Variants in VIL1 observed in about 807,000 individuals in gnomAD.
VIL1 encodes the protein villin-1.
VIL1 carries 86 observed loss-of-function variants against 104.0 expected under a neutral mutation model. That is an observed-to-expected ratio of 0.83 (90% CI 0.69 to 0.99). The LOEUF (loss-of-function observed/expected upper bound fraction) is 0.99. Among genes scored for constraint, VIL1 ranks in the 50% least tolerant of loss-of-function variants. The pLI, the probability that VIL1 is intolerant of heterozygous loss-of-function variation, is 0.00. For missense variants in VIL1, 944 were observed against 1,054.1 expected, an observed-to-expected ratio of 0.90 and a Z score of 1.45; for synonymous variants, 394 against 412.6, an observed-to-expected ratio of 0.95 and a Z score of 0.55.
chr2:218,433,400 A>C (rs1574816051), intron 13 of VIL1, among the ~76,000 whole-genome samples: 1 of 150,318 alleles, frequency 6.7e-6, no homozygotes, highest in Non-Finnish European at 1.5e-5. Flanking sequence ...GTGCCAATGC[A>C]CTCCAGCCTG....
rs1177888825 is a variant in VIL1 at position 218,452,522 on chromosome 2, G to T, written c.*3186G>T. On this transcript the variant is annotated 3_prime_UTR_variant, in exon 20 of 20. Transcript: ENST00000248444. The stretch of plus-strand genomic sequence containing the variant: ...AAGGAGAAGGCTGATAGGGCCACAA[G>T]AATGGACAGACATCAAGTAAAATTT... 6.6e-6 allele frequency: 1 copy of T among 152,144 alleles called. No homozygotes were observed. The highest frequency in any genetic ancestry group is 6.6e-5 in the Admixed American group (1 of 15,266). 9.4% of individuals were successfully genotyped at this position (152,144 alleles called of 1,614,324 possible). A position where few individuals can be genotyped will look rare whatever the true frequency, so the allele number is the denominator to read the frequency against.
rs754710819 is a variant in VIL1 at position 218,432,081 on chromosome 2, G to A, written c.1239G>A (p.Val413=). Residue 413 remains valine (V), a synonymous_variant, in exon 12 of 20, where the codon GTG becomes GTA. Transcript: ENST00000248444. Reference sequence around the variant, plus strand: ...TTGAGAACCTAGAGCTGGTACCTGTGGATTCCAAGTGGCTAGGCCACTTCT... The same window carrying A: ...TTGAGAACCTAGAGCTGGTACCTGTAGATTCCAAGTGGCTAGGCCACTTCT... ...WRIENLELVP[V]DSKWLGHFYG... is the part of the protein sequence containing the mutation. 3 of 1,614,126 alleles carry A rather than the reference G, an allele frequency of 1.9e-6. No individual in the cohort carries two copies. In the South Asian group the frequency reaches 3.3e-5, roughly 18 times the overall value.
chr2:218,427,169 C>T (rs1188838730), intron 4 of VIL1, among the ~76,000 whole-genome samples: 3 of 152,220 alleles, frequency 2.0e-5, no homozygotes, highest in Non-Finnish European at 4.4e-5. Context: ...TCTAATTAGC[C>T]ACAGTTCCCA....
At chr2:218,433,024 G>T (rs1006436976) in intron 13 of VIL1, 73 bp downstream of exon 13, 2 of 1,584,872 alleles carry the variant, frequency 1.3e-6, no homozygotes, top group Admixed American at 1.7e-5. Context: ...TGGAGAAGGG[G>T]ATGGGTGGTG....
intron 19 of VIL1, among the ~76,000 whole-genome samples, chr2:218,447,150 T>TG (rs376147286): frequency 1.1e-4 from 17 of 152,312 alleles, no homozygotes; most frequent in African/African-American, 4.1e-4. Context: ...CAGCAGTATA[T>TG]GGAAATTAGA....
chr2:218,439,530 G>T (rs1689248677), intron 18 of VIL1, among the ~76,000 whole-genome samples: 1 of 151,996 alleles, frequency 6.6e-6, no homozygotes, highest in Non-Finnish European at 1.5e-5. Flanking sequence ...TAACAGAAGT[G>T]TATTTAGGCT....
In VIL1 at chr2:218,433,294, G is replaced by T. The variant is rs527716376; in HGVS notation, c.1500+343G>T. On this transcript the variant is annotated intron_variant, in intron 13 of 19. Coordinates refer to ENST00000248444, the MANE Select transcript of VIL1 (RefSeq NM_007127.3). ...CTACAAAAATACAAAAATTAGCCAG[G>T]CATGATGGTGGGTGCCTGTAATCTC... is the stretch of plus-strand genomic sequence containing the variant. Among the ~76,000 whole-genome samples, 5 of 152,196 alleles carry T rather than the reference G, an allele frequency of 3.3e-5. No homozygotes were observed. The South Asian group carries it at 6.2e-4, about 19-fold the overall frequency.
chr2:218,424,584 T>C (rs1286209241), intron 3 of VIL1, among the ~76,000 whole-genome samples: 1 of 152,216 alleles, frequency 6.6e-6, no homozygotes, highest in East Asian at 1.9e-4. Flanking sequence ...TTCACAGTCT[T>C]GGGGAAACTT....
In VIL1 at chr2:218,450,142, AG is replaced by A. The variant is rs1424821946; in HGVS notation, c.*808del. 4 of 152,238 alleles carry A rather than the reference AG, an allele frequency of 2.6e-5. No individual in the cohort carries two copies. The highest frequency in any genetic ancestry group is 7.2e-5 in the African/African-American group (3 of 41,468). 9.4% of individuals were successfully genotyped at this position (152,238 alleles called of 1,614,324 possible). A position where few individuals can be genotyped will look rare whatever the true frequency, so the allele number is the denominator to read the frequency against. ...CCTTTTAAGAAGTAACAGTGCTGCA[AG>A]GAAGTCCATGTCAGAAAGCCAACAG... On this transcript the variant is annotated 3_prime_UTR_variant, in exon 20 of 20. Transcript: ENST00000248444.
At chr2:218,448,060 G>T (rs1460648376) in intron 19 of VIL1, among the ~76,000 whole-genome samples, 2 of 152,132 alleles carry the variant, frequency 1.3e-5, no homozygotes, top group Non-Finnish European at 2.9e-5. Context: ...AGGGGTTCCA[G>T]ACCTGCCTGG....
intron 18 of VIL1, 61 bp downstream of exon 18, chr2:218,438,787 A>T: frequency 1.4e-6 from 2 of 1,454,508 alleles, no homozygotes; most frequent in South Asian, 1.2e-5. Context: ...GACCTGTGGG[A>T]GCCAAGAACG....
chr2:218,438,562 C>T (rs1411243071), intron 17 of VIL1, 96 bp from the exon 18 acceptor site: 1 of 1,205,362 alleles, frequency 8.3e-7, no homozygotes, highest in East Asian at 2.5e-5. Context: ...CACTAGGCCC[C>T]AGACCAGCCT....
Position 218,429,955 on chromosome 2 carries a change from T to TGGGGGGGGGGGG in VIL1, c.948+13_948+14insGGGGGGGGGGGG. 1.7e-6 allele frequency: 1 copy of TGGGGGGGGGGGG among 577,692 alleles called. No homozygotes were observed. Among genetic ancestry groups the TGGGGGGGGGGGG allele is most frequent in the Non-Finnish European group, 2.5e-6 (1 of 394,746 alleles). The allele number at this position is 577,692 out of a possible 1,614,324, so 35.8% of individuals were successfully genotyped here. On this transcript the variant is annotated intron_variant, in intron 9 of 19. Transcript: ENST00000248444. ...GCCATGAGCCATGCGCTGGTAGTGG[T>TGGGGGGGGGGGG]GGGGGCGGGGGAGGGTCCAGGAGGA...
At chr2:218,442,819 A>C (rs1465425650) in intron 19 of VIL1, among the ~76,000 whole-genome samples, 1 of 152,234 alleles carries the variant, frequency 6.6e-6, no homozygotes, top group Non-Finnish European at 1.5e-5. Flanking sequence ...AAGTCTGTTA[A>C]GGGTTTCGGC....
chr2:218,430,022 G>A (rs1398301460), intron 9 of VIL1, 75 bp downstream of exon 9: 3 of 1,370,566 alleles, frequency 2.2e-6, no homozygotes, highest in African/African-American at 1.4e-5. Context: ...GCAGCATGGG[G>A]TGGGCAGGCA....
At position 218,434,539 on chromosome 2, in the gene VIL1, G is replaced by T; in HGVS notation, c.1514G>T (p.Arg505Leu). Residue 505 changes from arginine (R) to leucine (L), a missense_variant, in exon 14 of 20, where the codon CGA becomes CTA. Transcript: ENST00000248444. ...CCTCACCTGCAGGGAGGCACCTCCC[G>T]AACTAACAACTTGGAGACCGGGCCC... ...RMVVYQGGTS[R>L]TNNLETGPST... 1 of 1,611,970 alleles carries T rather than the reference G, an allele frequency of 6.2e-7. No individual in the cohort carries two copies. The highest frequency in any genetic ancestry group is 8.5e-7 in the Non-Finnish European group (1 of 1,179,178).
In VIL1 at chr2:218,449,299, A is replaced by C; in HGVS notation, c.2447A>C (p.Lys816Thr). 6.2e-7 allele frequency: 1 copy of C among 1,613,982 alleles called. No homozygotes were observed. The highest frequency in any genetic ancestry group is 8.5e-7 in the Non-Finnish European group (1 of 1,179,892). Residue 816 changes from lysine to threonine, a missense_variant, in exon 20 of 20, where the codon AAG becomes ACG. Physicochemically the swap from Lys to Thr is moderately conservative, Grantham distance 78. Transcript: ENST00000248444. ...PAAFSALPRWKQQNLKKEKGL... is the reference protein window; with the variant it reads ...PAAFSALPRWTQQNLKKEKGL... ...GCCTTCTCTGCTCTGCCTCGATGGA[A>C]GCAACAAAACCTCAAGAAAGAAAAA...
At chr2:218,444,236 C>T (rs1176165042) in intron 19 of VIL1, among the ~76,000 whole-genome samples, 1 of 152,128 alleles carries the variant, frequency 6.6e-6, no homozygotes, top group Non-Finnish European at 1.5e-5. Context: ...TCCCAAAGTG[C>T]TGGGATTATA....
In VIL1 at chr2:218,449,560, A is replaced by G; in HGVS notation, c.*224A>G. ...CCTCATTTCAACTTCTAAGGTCGCT[A>G]GATTGTTTCTATCCTGAGGTATTGC... On this transcript the variant is annotated 3_prime_UTR_variant, in exon 20 of 20. Coordinates refer to ENST00000248444, the MANE Select transcript of VIL1 (RefSeq NM_007127.3). 1 of 448,366 alleles carries G rather than the reference A, an allele frequency of 2.2e-6. No homozygotes were observed. Among genetic ancestry groups the G allele is most frequent in the South Asian group, 2.2e-5 (1 of 44,448 alleles). The allele number at this position is 448,366 out of a possible 1,614,324, so 27.8% of individuals were successfully genotyped here.
Sources: gnomAD v4.1 joint callset for allele counts (sites outside exome capture counted in the v4.1 genomes callset) on GRCh38, gnomAD v4.1.1 for gene constraint, MANE v1.5 for transcripts, NCBI Gene and HGNC (gene_info 2026-07-23, HGNC 2026-07-21) for gene names.